Variants in SLC35F1 observed in about 807,000 individuals in gnomAD.
SLC35F1 encodes chromosome 6 open reading frame 169.
Under a neutral mutation model 48.7 loss-of-function variants are expected in SLC35F1, and 14 were observed. The ratio of observed to expected loss-of-function variants is 0.29; its 90% confidence interval spans 0.19 to 0.45. The LOEUF is 0.45. Ranked by LOEUF, SLC35F1 falls within the 20% of genes least tolerant of loss-of-function variation. The probability of loss-of-function intolerance (pLI) is 1.00; values close to 1 mark genes in which losing one functional copy is unlikely to be tolerated. For synonymous variants in SLC35F1, 190 were observed against 202.2 expected (o/e 0.94, Z 0.51); for missense variants, 404 against 500.0 (o/e 0.81, Z 1.83).
intron 1 of SLC35F1, among the ~76,000 whole-genome samples, chr6:118,086,458 G>C (rs562158790): frequency 6.6e-6 from 1 of 152,180 alleles, no homozygotes; most frequent in African/African-American, 2.4e-5. Flanking sequence ...GCTCTCTTTT[G>C]TTATCCTTCA....
chr6:117,924,789 G>T (rs1776007239), intron 1 of SLC35F1, among the ~76,000 whole-genome samples: 1 of 152,104 alleles, frequency 6.6e-6, no homozygotes, highest in Admixed American at 6.6e-5. Flanking sequence ...ACATAAAGAA[G>T]AATAATGAAG....
intron 1 of SLC35F1, among the ~76,000 whole-genome samples, chr6:118,097,152 C>T (rs1388036274): frequency 6.6e-6 from 1 of 152,090 alleles, no homozygotes; most frequent in Non-Finnish European, 1.5e-5. Context: ...TCCAGTTGCC[C>T]CAGGATAAGG....
chr6:118,184,688 A>C (rs1774632455), intron 2 of SLC35F1, among the ~76,000 whole-genome samples: 1 of 152,182 alleles, frequency 6.6e-6, no homozygotes. Context: ...TTTGCAGGAA[A>C]ACATGGGTAC....
intron 2 of SLC35F1, among the ~76,000 whole-genome samples, chr6:118,173,647 A>T (rs1237195028): frequency 6.6e-6 from 1 of 152,124 alleles, no homozygotes; most frequent in Non-Finnish European, 1.5e-5. Flanking sequence ...TTGCAGACGA[A>T]GGAGAGTAGT....
At chr6:118,124,278 G>T (rs1042909924) in intron 1 of SLC35F1, among the ~76,000 whole-genome samples, 1 of 152,052 alleles carries the variant, frequency 6.6e-6, no homozygotes, top group African/African-American at 2.4e-5. Context: ...TTTAGGTCAT[G>T]CAAACTCTCA....
rs192313110 is a variant in SLC35F1 at position 118,286,284 on chromosome 6, G to A, written c.1002+946G>A. On this transcript the variant is annotated intron_variant, in intron 7 of 7. Coordinates refer to ENST00000360388, the MANE Select transcript of SLC35F1 (RefSeq NM_001029858.4). ...ACCAGTGGTATTACAGCCACCATCCGCAGCACTCGGGGGTGGCCAGATGAT... is the reference window on the plus strand; with the variant it reads ...ACCAGTGGTATTACAGCCACCATCCACAGCACTCGGGGGTGGCCAGATGAT... Among the ~76,000 whole-genome samples the A allele has an allele frequency of 5.1e-3, 784 of 152,282 alleles. 7 individuals are homozygous for A. Among genetic ancestry groups the A allele is most frequent in the African/African-American group, 0.018 (747 of 41,568 alleles).
intron 7 of SLC35F1, among the ~76,000 whole-genome samples, chr6:118,311,945 G>C (rs1039854043): frequency 6.6e-6 from 1 of 152,138 alleles, no homozygotes; most frequent in Non-Finnish European, 1.5e-5. Context: ...CAGCAAGATA[G>C]GAACTATAAG....
chr6:118,308,078 C>T (rs545946665), intron 7 of SLC35F1, among the ~76,000 whole-genome samples: 19 of 152,324 alleles, frequency 1.2e-4, no homozygotes, highest in African/African-American at 3.8e-4. Context: ...TTTAGTTATT[C>T]TTCACTATAG....
intron 2 of SLC35F1, among the ~76,000 whole-genome samples, chr6:118,211,044 G>T (rs1453304874): frequency 6.6e-6 from 1 of 152,156 alleles, no homozygotes; most frequent in Non-Finnish European, 1.5e-5. Flanking sequence ...GAAGGGATTA[G>T]AACACGAAGG....
In SLC35F1 at chr6:118,251,471, G is replaced by A. The variant is rs897641874; in HGVS notation, c.478-15524G>A. Among the ~76,000 whole-genome samples, 3 of 152,102 alleles carry A rather than the reference G, an allele frequency of 2.0e-5. No individual in the cohort carries two copies. The East Asian group carries it at 5.8e-4, about 29-fold the overall frequency. On this transcript the variant is annotated intron_variant, in intron 3 of 7. Transcript: ENST00000360388. ...ACTCTTGTATAACTGACAGCATGGA[G>A]TTTAAAGGAGGAAATGAGCAAAGAA...
At chr6:118,209,040 G>A (rs1774971393) in intron 2 of SLC35F1, among the ~76,000 whole-genome samples, 1 of 152,088 alleles carries the variant, frequency 6.6e-6, no homozygotes, top group South Asian at 2.1e-4. Flanking sequence ...CATTCCAAGG[G>A]GTCCTGCCCC....
intron 2 of SLC35F1, among the ~76,000 whole-genome samples, chr6:118,169,399 C>T (rs186658571): frequency 1.3e-5 from 2 of 152,252 alleles, no homozygotes; most frequent in Admixed American, 1.3e-4. Flanking sequence ...AACATTTAAG[C>T]AGACTCAACA....
chr6:118,158,561 A>T (rs1042456448), intron 2 of SLC35F1, among the ~76,000 whole-genome samples: 34 of 152,244 alleles, frequency 2.2e-4, no homozygotes, highest in Admixed American at 3.3e-4. Flanking sequence ...TTAATCATGT[A>T]TCTTCTAAAA....
chr6:117,971,246 T>G (rs1776633991), intron 1 of SLC35F1, among the ~76,000 whole-genome samples: 1 of 152,182 alleles, frequency 6.6e-6, no homozygotes, highest in African/African-American at 2.4e-5. Flanking sequence ...AGTTCCAAAA[T>G]AATCTCATTT....
At chr6:117,953,066 T>C (rs1776384060) in intron 1 of SLC35F1, among the ~76,000 whole-genome samples, 2 of 152,356 alleles carry the variant, frequency 1.3e-5, no homozygotes, top group Non-Finnish European at 2.9e-5. Flanking sequence ...TCTGTAAAGA[T>C]ACTCATTGAG....
At chr6:118,097,530 G>A (rs1257275303) in intron 1 of SLC35F1, among the ~76,000 whole-genome samples, 2 of 152,180 alleles carry the variant, frequency 1.3e-5, no homozygotes, top group Non-Finnish European at 2.9e-5. Flanking sequence ...GTTGGACCCA[G>A]AGGGTGATGG....
intron 2 of SLC35F1, among the ~76,000 whole-genome samples, chr6:118,180,789 T>C (rs930601192): frequency 1.3e-4 from 20 of 152,144 alleles, no homozygotes; most frequent in African/African-American, 4.8e-4. Flanking sequence ...AAAGAGATAA[T>C]GGCAACAGAT....
intron 2 of SLC35F1, among the ~76,000 whole-genome samples, chr6:118,184,940 G>A (rs796975796): frequency 6.6e-6 from 1 of 152,122 alleles, no homozygotes; most frequent in Non-Finnish European, 1.5e-5. Flanking sequence ...TATGGTCAGG[G>A]TCAGGATTAG....
At chr6:118,032,498 TCTC>T (rs1368549418) in intron 1 of SLC35F1, among the ~76,000 whole-genome samples, 2 of 152,172 alleles carry the variant, frequency 1.3e-5, no homozygotes, top group African/African-American at 2.4e-5. Context: ...AGAGAAAACA[TCTC>T]CTCTGCCCTT....
Sources: gnomAD v4.1 joint callset for allele counts (sites outside exome capture counted in the v4.1 genomes callset) on GRCh38, gnomAD v4.1.1 for gene constraint, MANE v1.5 for transcripts, NCBI Gene and HGNC (gene_info 2026-07-23, HGNC 2026-07-21) for gene names.